The following HS6ST3 variants were observed in gnomAD, a reference collection of about 807,000 sequenced individuals.
The protein encoded by HS6ST3 is heparan sulfate 6-O-sulfotransferase 3.
Under a neutral mutation model 36.7 loss-of-function variants are expected in HS6ST3, and 12 were observed. That is an observed-to-expected ratio of 0.33 (90% CI 0.21 to 0.53). The LOEUF (loss-of-function observed/expected upper bound fraction) is 0.53. Ranked by LOEUF, HS6ST3 falls within the 20% of genes least tolerant of loss-of-function variation. The pLI, the probability that HS6ST3 is intolerant of heterozygous loss-of-function variation, is 0.95. For missense variants in HS6ST3, 584 were observed against 640.9 expected, an observed-to-expected ratio of 0.91 and a Z score of 0.96; for synonymous variants, 240 against 257.5, an observed-to-expected ratio of 0.93 and a Z score of 0.65.
intron 1 of HS6ST3, among the ~76,000 whole-genome samples, chr13:96,296,532 G>C (rs908002862): frequency 7.2e-5 from 11 of 152,088 alleles, no homozygotes; most frequent in African/African-American, 2.7e-4. Flanking sequence ...GGTGAGAAAA[G>C]CTGGCACAAA....
At chr13:96,099,467 T>C (rs1212218505) in intron 1 of HS6ST3, among the ~76,000 whole-genome samples, 20 of 152,200 alleles carry the variant, frequency 1.3e-4, no homozygotes, top group Admixed American at 1.3e-3. Flanking sequence ...CCCCCCAGCA[T>C]ATAGTTTTAT....
At chr13:96,518,358 G>A (rs1033153638) in intron 1 of HS6ST3, among the ~76,000 whole-genome samples, 4 of 152,038 alleles carry the variant, frequency 2.6e-5, no homozygotes, top group Non-Finnish European at 1.5e-5. Flanking sequence ...GGAAGCAATT[G>A]GAATAGTATG....
intron 1 of HS6ST3, among the ~76,000 whole-genome samples, chr13:96,437,112 C>T (rs935419531): frequency 3.3e-5 from 5 of 152,116 alleles, no homozygotes; most frequent in Non-Finnish European, 5.9e-5. Context: ...ACCATGTGGT[C>T]TGTTTTCTCT....
intron 1 of HS6ST3, among the ~76,000 whole-genome samples, chr13:96,241,377 T>C (rs1311877486): frequency 6.6e-6 from 1 of 152,138 alleles, no homozygotes; most frequent in Admixed American, 6.5e-5. Flanking sequence ...ATGTAGAACA[T>C]TGCCTCATTC....
intron 1 of HS6ST3, among the ~76,000 whole-genome samples, chr13:96,326,534 T>C (rs2055032821): frequency 6.6e-6 from 1 of 152,120 alleles, no homozygotes; most frequent in Non-Finnish European, 1.5e-5. Flanking sequence ...TGCATAGTAT[T>C]CTATGGTGTA....
chr13:96,760,820 CT>C (rs1345465881), intron 1 of HS6ST3, among the ~76,000 whole-genome samples: 2 of 151,908 alleles, frequency 1.3e-5, no homozygotes, highest in Admixed American at 6.6e-5. Context: ...GTTTTTTCTG[CT>C]TTTTTTATTA....
chr13:96,617,838 C>A (rs2056480095), intron 1 of HS6ST3, among the ~76,000 whole-genome samples: 1 of 152,190 alleles, frequency 6.6e-6, no homozygotes, highest in South Asian at 2.1e-4. Flanking sequence ...TCCAGGTGAT[C>A]CTAAGCACAC....
chr13:96,468,469 TAC>T (rs146508827), intron 1 of HS6ST3, among the ~76,000 whole-genome samples: 11 of 46,152 alleles, frequency 2.4e-4, no homozygotes, highest in Non-Finnish European at 6.6e-4. Flanking sequence ...TAACAGGACA[TAC>T]ACACATACAC....
chr13:96,400,068 G>A (rs1364487193), intron 1 of HS6ST3, among the ~76,000 whole-genome samples: 6 of 151,726 alleles, frequency 4.0e-5, no homozygotes, highest in Non-Finnish European at 8.8e-5. Flanking sequence ...AGAGAGGGAA[G>A]CTCAGGTCTT....
chr13:96,567,955 A>C (rs1260821802), intron 1 of HS6ST3, among the ~76,000 whole-genome samples: 1 of 152,226 alleles, frequency 6.6e-6, no homozygotes, highest in Non-Finnish European at 1.5e-5. Context: ...GATTGGTGAA[A>C]GTTAGAATTT....
chr13:96,314,662 T>G (rs1223440427), intron 1 of HS6ST3, among the ~76,000 whole-genome samples: 1 of 152,182 alleles, frequency 6.6e-6, no homozygotes, highest in African/African-American at 2.4e-5. Context: ...AAAAACATAT[T>G]GTGGAATGAA....
At chr13:96,610,999 G>C (rs1210473064) in intron 1 of HS6ST3, among the ~76,000 whole-genome samples, 2 of 151,690 alleles carry the variant, frequency 1.3e-5, no homozygotes, top group Non-Finnish European at 2.9e-5. Context: ...AAATGTATCA[G>C]GCTTAAAAAC....
intron 1 of HS6ST3, among the ~76,000 whole-genome samples, chr13:96,494,327 G>A (rs2055962214): frequency 6.7e-6 from 1 of 148,708 alleles, no homozygotes; most frequent in Admixed American, 6.8e-5. Flanking sequence ...CTCACTCATA[G>A]GTGGGAATTG....
At chr13:96,404,060 A>G (rs1476867657) in intron 1 of HS6ST3, among the ~76,000 whole-genome samples, 1 of 152,200 alleles carries the variant, frequency 6.6e-6, no homozygotes, top group Non-Finnish European at 1.5e-5. Flanking sequence ...TTTCTGTAGA[A>G]TAGTGATTTC....
chr13:96,562,444 A>T (rs1273127992), intron 1 of HS6ST3, among the ~76,000 whole-genome samples: 1 of 152,120 alleles, frequency 6.6e-6, no homozygotes, highest in East Asian at 1.9e-4. Context: ...AGGATCATTC[A>T]TACCCCAAAC....
chr13:96,305,741 T>C (rs1023828521), intron 1 of HS6ST3, among the ~76,000 whole-genome samples: 8 of 152,166 alleles, frequency 5.3e-5, no homozygotes, highest in African/African-American at 1.9e-4. Context: ...ATATACATAA[T>C]GTATATATTA....
intron 1 of HS6ST3, among the ~76,000 whole-genome samples, chr13:96,606,422 G>T (rs1420655787): frequency 6.6e-6 from 1 of 152,082 alleles, no homozygotes; most frequent in Non-Finnish European, 1.5e-5. Flanking sequence ...GTCAGTCACA[G>T]CAACAGGAAT....
intron 1 of HS6ST3, among the ~76,000 whole-genome samples, chr13:96,689,844 A>G (rs1278797363): frequency 1.3e-5 from 2 of 151,692 alleles, no homozygotes; most frequent in African/African-American, 4.8e-5. Context: ...CTTTTTTATT[A>G]TACTATGCAG....
intron 1 of HS6ST3, among the ~76,000 whole-genome samples, chr13:96,515,440 C>G (rs2056068494): frequency 6.6e-6 from 1 of 152,178 alleles, no homozygotes; most frequent in Non-Finnish European, 1.5e-5. Flanking sequence ...CTGCTTTATT[C>G]TTTCCTGCAC....
Sources: allele counts gnomAD v4.1 joint callset (sites outside exome capture counted in the v4.1 genomes callset), GRCh38; gene constraint gnomAD v4.1.1; transcripts MANE v1.5; gene names NCBI Gene and HGNC (gene_info 2026-07-23, HGNC 2026-07-21).